Variants in TSHZ3 observed in about 807,000 individuals in gnomAD.
TSHZ3 encodes the protein teashirt zinc finger homeobox 3, also known as teashirt homolog 3.
Under a neutral mutation model 64.5 loss-of-function variants are expected in TSHZ3, and 10 were observed. The observed-to-expected ratio is 0.16, with a 90% CI of 0.10 to 0.26. The LOEUF (loss-of-function observed/expected upper bound fraction) is 0.26, where lower values mean the gene tolerates loss of function less well. Among genes scored for constraint, TSHZ3 ranks in the 10% least tolerant of loss-of-function variants. The pLI, the probability that TSHZ3 is intolerant of heterozygous loss-of-function variation, is 1.00. For missense variants in TSHZ3, 1,242 were observed against 1,421.7 expected, an observed-to-expected ratio of 0.87 and a Z score of 2.03; for synonymous variants, 608 against 593.1, an observed-to-expected ratio of 1.03 and a Z score of -0.36.
At chr19:31,182,291 A>G (rs1035079622) in intron 5 of TSHZ3, among the ~76,000 whole-genome samples, 6 of 152,322 alleles carry the variant, frequency 3.9e-5, no homozygotes, top group Non-Finnish European at 7.4e-5. Flanking sequence ...CGAAGAGTGC[A>G]TGGAATTGTT....
intron 3 of TSHZ3, among the ~76,000 whole-genome samples, chr19:31,233,587 T>C (rs1388744071): frequency 6.6e-6 from 1 of 152,168 alleles, no homozygotes; most frequent in African/African-American, 2.4e-5. Context: ...CAATTTTAAT[T>C]TGATGATGTA....
intron 3 of TSHZ3, among the ~76,000 whole-genome samples, chr19:31,229,443 A>G (rs1975511700): frequency 6.6e-6 from 1 of 152,162 alleles, no homozygotes; most frequent in Non-Finnish European, 1.5e-5. Flanking sequence ...ACTGCGAAAC[A>G]CTAAAGATAA....
chr19:31,295,148 CAAGGACGA>C (rs1274208347), intron 1 of TSHZ3, among the ~76,000 whole-genome samples: 3 of 152,164 alleles, frequency 2.0e-5, no homozygotes, highest in Middle Eastern at 3.2e-3. Flanking sequence ...CAGCAACTCA[CAAGGACGA>C]TAAGACAGAG....
intron 4 of TSHZ3, among the ~76,000 whole-genome samples, chr19:31,211,439 G>A (rs1050524824): frequency 2.6e-5 from 4 of 152,124 alleles, no homozygotes; most frequent in African/African-American, 4.8e-5. Context: ...GGAGTTAGAG[G>A]GACACACCAA....
chr19:31,344,451 C>T (rs1471537664), intron 1 of TSHZ3, among the ~76,000 whole-genome samples: 1 of 152,226 alleles, frequency 6.6e-6, no homozygotes. Flanking sequence ...CAGTGACAGG[C>T]AGGGATGAAA....
At chr19:31,251,221 C>T (rs940522363) in intron 1 of TSHZ3, among the ~76,000 whole-genome samples, 1 of 152,100 alleles carries the variant, frequency 6.6e-6, no homozygotes, top group Non-Finnish European at 1.5e-5. Flanking sequence ...GATCCTTGTC[C>T]CAGGGCAAGG....
chr19:31,168,261 A>G (rs1599557072), intron 5 of TSHZ3, among the ~76,000 whole-genome samples: 1 of 152,174 alleles, frequency 6.6e-6, no homozygotes, highest in Non-Finnish European at 1.5e-5. Context: ...GAATACGCGT[A>G]CGCACCAGCC....
intron 1 of TSHZ3, among the ~76,000 whole-genome samples, chr19:31,301,795 T>G (rs762995017): frequency 2.2e-4 from 34 of 152,138 alleles, no homozygotes; most frequent in Non-Finnish European, 3.8e-4. Flanking sequence ...ATTTTTAAAA[T>G]GTTTGAGCAC....
intron 5 of TSHZ3, among the ~76,000 whole-genome samples, chr19:31,191,090 T>A (rs1974898643): frequency 1.3e-5 from 2 of 152,180 alleles, no homozygotes; most frequent in Admixed American, 1.3e-4. Context: ...AACTGGGATG[T>A]CAGAAAGTGA....
intron 1 of TSHZ3, among the ~76,000 whole-genome samples, chr19:31,323,900 A>C (rs1175357866): frequency 6.7e-6 from 1 of 150,016 alleles, no homozygotes; most frequent in Non-Finnish European, 1.5e-5. Flanking sequence ...ACACACACAC[A>C]CACACACACA....
At chr19:31,206,319 G>GGATGGATA (rs1975174499) in intron 4 of TSHZ3, among the ~76,000 whole-genome samples, 1 of 152,060 alleles carries the variant, frequency 6.6e-6, no homozygotes, top group East Asian at 1.9e-4. Flanking sequence ...GTGGATGGAT[G>GGATGGATA]GATGGATAGA....
chr19:31,193,665 T>G (rs1974945471), intron 5 of TSHZ3, among the ~76,000 whole-genome samples: 1 of 152,210 alleles, frequency 6.6e-6, no homozygotes, highest in South Asian at 2.1e-4. Flanking sequence ...TTAGGGTTTT[T>G]CCAGGACAGT....
chr19:31,265,003 G>A (rs1976030813), intron 1 of TSHZ3, among the ~76,000 whole-genome samples: 1 of 152,088 alleles, frequency 6.6e-6, no homozygotes, highest in Non-Finnish European at 1.5e-5. Flanking sequence ...TGGCCAGGAG[G>A]TTCTCAAGGT....
intron 3 of TSHZ3, among the ~76,000 whole-genome samples, chr19:31,231,028 T>A (rs1193145549): frequency 1.3e-5 from 2 of 151,856 alleles, no homozygotes; most frequent in South Asian, 2.1e-4. Flanking sequence ...TTATGAGTCA[T>A]GGGATGGAAA....
intron 1 of TSHZ3, among the ~76,000 whole-genome samples, chr19:31,249,176 G>A (rs917365349): frequency 3.9e-5 from 6 of 152,112 alleles, no homozygotes; most frequent in South Asian, 2.1e-4. Flanking sequence ...TCAGTGTCCC[G>A]TTGGGTTGCA....
At chr19:31,257,003 C>T (rs1975918985) in intron 1 of TSHZ3, among the ~76,000 whole-genome samples, 1 of 152,176 alleles carries the variant, frequency 6.6e-6, no homozygotes, top group Non-Finnish European at 1.5e-5. Flanking sequence ...CCCTCTCTAT[C>T]CCACAGCAGT....
intron 1 of TSHZ3, among the ~76,000 whole-genome samples, chr19:31,268,153 G>A (rs958989180): frequency 1.3e-5 from 2 of 152,122 alleles, no homozygotes; most frequent in Admixed American, 6.5e-5. Context: ...TGTAAGATGC[G>A]CCTTTGCTCT....
intron 1 of TSHZ3, among the ~76,000 whole-genome samples, chr19:31,347,512 T>C (rs374654098): frequency 3.6e-4 from 55 of 152,268 alleles, no homozygotes; most frequent in African/African-American, 1.3e-3. Context: ...ACTACTCAAC[T>C]TTGTGAAGGA....
intron 1 of TSHZ3, among the ~76,000 whole-genome samples, chr19:31,284,095 T>C (rs1976412831): frequency 6.6e-6 from 1 of 152,166 alleles, no homozygotes; most frequent in Non-Finnish European, 1.5e-5. Context: ...TGTTGCTACT[T>C]AACTTTCTGT....
Sources: allele counts gnomAD v4.1 joint callset (sites outside exome capture counted in the v4.1 genomes callset), GRCh38; gene constraint gnomAD v4.1.1; transcripts MANE v1.5; gene names NCBI Gene and HGNC (gene_info 2026-07-23, HGNC 2026-07-21).